UBASH3A: variants seen among roughly 807,000 people sequenced by gnomAD.
The protein encoded by UBASH3A is ubiquitin-associated and SH3 domain-containing protein A.
In UBASH3A, 63 loss-of-function variants were observed where a neutral mutation model predicts 73.5. That is an observed-to-expected ratio of 0.86 (90% confidence interval 0.70 to 1.06). The LOEUF (loss-of-function observed/expected upper bound fraction) is 1.06. Ranked by LOEUF, UBASH3A falls within the 50% of genes least tolerant of loss-of-function variation. UBASH3A has a pLI of 0.00. For synonymous variants in UBASH3A, 363 were observed against 351.1 expected, an observed-to-expected ratio of 1.03 and a Z score of -0.38; for missense variants, 860 against 859.0, an observed-to-expected ratio of 1.00 and a Z score of -0.02.
intron 11 of UBASH3A, among the ~76,000 whole-genome samples, chr21:42,437,905 G>A (rs953024000): frequency 6.6e-6 from 1 of 152,214 alleles, no homozygotes; most frequent in African/African-American, 2.4e-5. Context: ...AACCTTGAGA[G>A]CTGGGAACTG....
chr21:42,427,924 G>C (rs780032659), intron 8 of UBASH3A, among the ~76,000 whole-genome samples: 1 of 152,128 alleles, frequency 6.6e-6, no homozygotes, highest in Non-Finnish European at 1.5e-5. Context: ...TTCCTATCTC[G>C]AAGTCCTAAC....
chr21:42,438,534 C>G (rs746166179), intron 11 of UBASH3A, among the ~76,000 whole-genome samples: 10 of 152,226 alleles, frequency 6.6e-5, no homozygotes, highest in Admixed American at 2.6e-4. Flanking sequence ...TCTCTTCCAG[C>G]TTAGACCGGG....
Position 42,447,251 on chromosome 21 carries a change from G to A in UBASH3A, c.*57G>A, listed in dbSNP as rs1279724917. The A allele has an allele frequency of 6.4e-7, 1 of 1,565,810 alleles. No homozygotes were observed. Among genetic ancestry groups the A allele is most frequent in the Non-Finnish European group, 8.7e-7 (1 of 1,155,314 alleles). On this transcript the variant is annotated 3_prime_UTR_variant, in exon 15 of 15. Coordinates refer to ENST00000319294, the MANE Select transcript of UBASH3A (RefSeq NM_018961.4). ...TGGAGAGGCAGAAACCATGTGCAGA[G>A]GCTGGGAGATGCTGCTGTTTCCAGA...
rs943942197 is a variant in UBASH3A at position 42,437,490 on chromosome 21, G to A, written c.1396G>A (p.Asp466Asn). Residue 466 changes from aspartate (D) to asparagine (N), a missense_variant and splice_region_variant, in exon 11 of 15, where the codon GAC becomes AAC. By Grantham distance (23) the Asp-to-Asn change is conservative (BLOSUM62 1). Transcript: ENST00000319294. ...CGIFQSRIAG[D>N]ALLDSGIRIS... ...CTGCCTTTTTCACTATTTTCCAGGG[G>A]ACGCGCTACTGGACAGTGGTATCAG... 1 of 1,614,124 alleles carries A rather than the reference G, an allele frequency of 6.2e-7. No homozygotes were observed. The highest frequency in any genetic ancestry group is 1.7e-5 in the Admixed American group (1 of 60,034).
rs1337393529 is a variant in UBASH3A at position 42,413,362 on chromosome 21, T to C, written c.554-48T>C. On this transcript the variant is annotated intron_variant, in intron 4 of 14. Transcript: ENST00000319294. This position sits in a 1 kb window ranked among gnomAD's most constrained non-coding sequence, Gnocchi z 4.5. Reference sequence around the variant, plus strand: ...AGCCCAGCAGCAATGGTGGGATGGCTGGGTGGGCTTTCTTCCGGGCTCAGT... The same window carrying C: ...AGCCCAGCAGCAATGGTGGGATGGCCGGGTGGGCTTTCTTCCGGGCTCAGT... 1.3e-6 allele frequency: 2 copies of C among 1,556,608 alleles called. No individual in the cohort carries two copies. The highest frequency in any genetic ancestry group is 1.7e-5 in the Admixed American group (1 of 58,258).
Position 42,413,152 on chromosome 21 carries a change from C to T in UBASH3A, c.483C>T (p.Val161=), listed in dbSNP as rs2053135759. ...HSSISYLGFF[V]SGSPADVIRE... is the part of the protein sequence containing the mutation. ...CCATCAGCTACCTCGGCTTCTTCGTCAGTGGCAGCCCCGCAGACGTCATCC... is the reference window on the plus strand; with the variant it reads ...CCATCAGCTACCTCGGCTTCTTCGTTAGTGGCAGCCCCGCAGACGTCATCC... The change falls in exon 4 of 15, where the codon GTC becomes GTT. Residue 161 remains valine, a synonymous_variant. Coordinates refer to ENST00000319294, the MANE Select transcript of UBASH3A (RefSeq NM_018961.4). The surrounding 1 kb of genome is among the most constrained non-coding windows in gnomAD (Gnocchi z 4.5). The T allele has an allele frequency of 1.2e-6, 2 of 1,614,236 alleles. No homozygotes were observed. The highest frequency in any genetic ancestry group is 1.7e-6 in the Non-Finnish European group (2 of 1,180,052).
chr21:42,413,523 T>C lies in UBASH3A; in HGVS notation c.667T>C (p.Tyr223His), dbSNP rs1320767056. Residue 223 changes from tyrosine (Y) to histidine (H), a missense_variant and splice_region_variant, in exon 5 of 15, where the codon TAC (tyrosine) becomes CAC (histidine). By Grantham distance (83) the Tyr-to-His change is moderately conservative. Transcript: ENST00000319294. The surrounding 1 kb of genome is among the most constrained non-coding windows in gnomAD (Gnocchi z 4.5). Reference sequence around the variant, plus strand: ...CGTGAGCCACTACATCCTTCAAAAATGTAAGCCATTAGAAAGCTTCCGGAC... The same window carrying C: ...CGTGAGCCACTACATCCTTCAAAAACGTAAGCCATTAGAAAGCTTCCGGAC... ...SFVSHYILQK[Y>H]CSVKPCTKQL... The C allele has an allele frequency of 6.2e-7, 1 of 1,610,368 alleles. No individual in the cohort carries two copies. Among genetic ancestry groups the C allele is most frequent in the South Asian group, 1.1e-5 (1 of 90,848 alleles).
Position 42,447,231 on chromosome 21 carries a change from A to G in UBASH3A, c.*37A>G, listed in dbSNP as rs1483213967. On this transcript the variant is annotated 3_prime_UTR_variant, in exon 15 of 15. Coordinates refer to ENST00000319294, the MANE Select transcript of UBASH3A (RefSeq NM_018961.4). The stretch of plus-strand genomic sequence containing the variant: ...ATGTTGTCATAACCTCAGAGTGGAG[A>G]GGCAGAAACCATGTGCAGAGGCTGG... 8.7e-6 allele frequency: 14 copies of G among 1,601,212 alleles called. No individual in the cohort carries two copies. The highest frequency in any genetic ancestry group is 1.1e-5 in the Non-Finnish European group (13 of 1,174,356).
chr21:42,440,146 G>A (rs780451785), intron 11 of UBASH3A, among the ~76,000 whole-genome samples: 5 of 152,206 alleles, frequency 3.3e-5, no homozygotes, highest in South Asian at 2.1e-4. Context: ...ACAGGGTCCC[G>A]CGATGTCCGC....
At chr21:42,420,006 C>G (rs1018615408) in intron 7 of UBASH3A, among the ~76,000 whole-genome samples, 1 of 152,190 alleles carries the variant, frequency 6.6e-6, no homozygotes, top group Non-Finnish European at 1.5e-5. Flanking sequence ...TGGAACATAA[C>G]CCCATCTGAA....
chr21:42,442,604 G>T lies in UBASH3A; in HGVS notation c.1631+8G>T, dbSNP rs1208345736. 1 of 1,592,706 alleles carries T rather than the reference G, an allele frequency of 6.3e-7. No homozygotes were observed. Among genetic ancestry groups the T allele is most frequent in the South Asian group, 1.2e-5 (1 of 86,680 alleles). ...CATTGACACTGATTACAGGTATGCT[G>T]TTCTAAAGTTCTCTGCCACTGGGGC... is the stretch of plus-strand genomic sequence containing the variant. On this transcript the variant is annotated splice_region_variant and intron_variant, in intron 12 of 14. Transcript: ENST00000319294.
Position 42,434,831 on chromosome 21 carries a change from G to A in UBASH3A, c.1271-1G>A, listed in dbSNP as rs1413376495. 6.2e-7 allele frequency: 1 copy of A among 1,612,672 alleles called. No homozygotes were observed. Among genetic ancestry groups the A allele is most frequent in the Admixed American group, 1.7e-5 (1 of 59,682 alleles). On this transcript the variant is annotated splice_acceptor_variant, in intron 9 of 14. Coordinates refer to ENST00000319294, the MANE Select transcript of UBASH3A (RefSeq NM_018961.4). LOFTEE classifies it high-confidence loss of function. ...ACGTCTGATGCTTATTTATACTTCA[G>A]GGAAATACTACAGGCCAGACCTGAA...
At chr21:42,405,198 C>G (rs2052942690) in intron 1 of UBASH3A, among the ~76,000 whole-genome samples, 1 of 152,154 alleles carries the variant, frequency 6.6e-6, no homozygotes, top group African/African-American at 2.4e-5. Context: ...TCAAGCTAAG[C>G]CAGGGGCCTT....
chr21:42,444,774 G>A (rs552869208), intron 14 of UBASH3A, 131 bp downstream of exon 14: 36 of 740,338 alleles, frequency 4.9e-5, no homozygotes, highest in Non-Finnish European at 6.5e-5. Context: ...ACGTGCCCCC[G>A]GAGACTGTGC....
At chr21:42,433,201 G>A (rs2053566505) in intron 9 of UBASH3A, among the ~76,000 whole-genome samples, 1 of 152,172 alleles carries the variant, frequency 6.6e-6, no homozygotes, top group Non-Finnish European at 1.5e-5. Context: ...GGAAACTCCT[G>A]GTGGATCTTT....
intron 8 of UBASH3A, among the ~76,000 whole-genome samples, chr21:42,427,605 T>C (rs1054341210): frequency 1.3e-5 from 2 of 152,178 alleles, no homozygotes; most frequent in African/African-American, 4.8e-5. Context: ...CTGGGGCTCA[T>C]GGAGGCTAGG....
chr21:42,406,646 T>C (rs1164650740), intron 2 of UBASH3A, among the ~76,000 whole-genome samples: 1 of 152,230 alleles, frequency 6.6e-6, no homozygotes, highest in Non-Finnish European at 1.5e-5. Context: ...AAGAACAGGT[T>C]CATGTGCTTT....
In UBASH3A at chr21:42,409,915, G is replaced by A. The variant is rs199884252; in HGVS notation, c.354+307G>A. Among the ~76,000 whole-genome samples, 7 of 151,926 alleles carry A rather than the reference G, an allele frequency of 4.6e-5. No individual in the cohort carries two copies. The East Asian group carries it at 7.7e-4, about 17-fold the overall frequency. On this transcript the variant is annotated intron_variant, in intron 3 of 14. Transcript: ENST00000319294. The stretch of plus-strand genomic sequence containing the variant: ...GTCTAGTGGCACTTTTGTATCATAC[G>A]GGCCATGTGTCTGGTGCAGCACCGC...
At chr21:42,404,857 G>A (rs377442217) in intron 1 of UBASH3A, among the ~76,000 whole-genome samples, 2 of 152,324 alleles carry the variant, frequency 1.3e-5, no homozygotes, top group Admixed American at 6.5e-5. Context: ...ATGTGGAAGA[G>A]CTTAGCCTTC....
Sources: allele counts gnomAD v4.1 joint callset (sites outside exome capture counted in the v4.1 genomes callset), GRCh38; gene constraint gnomAD v4.1.1; non-coding constraint Gnocchi (gnomAD v3.1); transcripts MANE v1.5; gene names NCBI Gene and HGNC (gene_info 2026-07-23, HGNC 2026-07-21).